WWOX: variants seen among roughly 807,000 people sequenced by gnomAD.
The protein encoded by WWOX is WW domain containing oxidoreductase.
Under a neutral mutation model 46.2 loss-of-function variants are expected in WWOX, and 69 were observed. The ratio of observed to expected loss-of-function variants is 1.49; its 90% CI spans 1.23 to 1.82. WWOX has a LOEUF of 1.82. Among genes scored for constraint, WWOX ranks in the 40% most tolerant of loss-of-function variants. The pLI, the probability that WWOX is intolerant of heterozygous loss-of-function variation, is 0.00. For missense variants in WWOX, 919 were observed against 542.6 expected (o/e 1.69, Z -6.89); for synonymous variants, 359 against 202.6 (o/e 1.77, Z -6.56).
intron 8 of WWOX, among the ~76,000 whole-genome samples, chr16:78,640,195 G>A (rs1345472141): frequency 2.1e-5 from 3 of 144,376 alleles, no homozygotes; most frequent in Non-Finnish European, 4.5e-5. Flanking sequence ...GGTCATGGGT[G>A]TGTGTGTGTG....
At chr16:78,380,496 G>T (rs962943200) in intron 5 of WWOX, among the ~76,000 whole-genome samples, 7 of 152,080 alleles carry the variant, frequency 4.6e-5, no homozygotes, top group Non-Finnish European at 5.9e-5. Flanking sequence ...GGCCAGTGAC[G>T]ACCCATTCAG....
Position 79,186,370 on chromosome 16 carries a change from G to A in WWOX, c.1057-25238G>A, listed in dbSNP as rs372839322. 5.5e-4 allele frequency among the ~76,000 whole-genome samples: 84 copies of A among 152,242 alleles called. 1 individual carries two copies. In the South Asian group the frequency reaches 0.015, roughly 28 times the overall value. Reference sequence around the variant, plus strand: ...CTAGAGAACTCTCCTTGCTCCTCTCGCTTCCGGTGGTTCAGTGGCAACGCT... The same window carrying A: ...CTAGAGAACTCTCCTTGCTCCTCTCACTTCCGGTGGTTCAGTGGCAACGCT... On this transcript the variant is annotated intron_variant, in intron 8 of 8. Transcript: ENST00000566780.
intron 8 of WWOX, among the ~76,000 whole-genome samples, chr16:78,864,751 C>G (rs1412231459): frequency 1.6e-5 from 2 of 126,498 alleles, no homozygotes; most frequent in Non-Finnish European, 3.2e-5. Flanking sequence ...TTTTCTCCAA[C>G]TCCTTTTTTT....
rs185645180 is a variant in WWOX, at chr16:78,166,197, G to T, written c.516+1908G>T. ...TTTTTTTAAACTTAGTACTGCAGGA[G>T]ATCTCTTATTAGTGCATATAGATCT... On this transcript the variant is annotated intron_variant, in intron 5 of 8. Coordinates refer to ENST00000566780, the MANE Select transcript of WWOX (RefSeq NM_016373.4). Among the ~76,000 whole-genome samples the T allele has an allele frequency of 2.1e-4, 32 of 151,800 alleles. No homozygotes were observed. In the East Asian group the frequency reaches 6.0e-3, roughly 28 times the overall value.
At chr16:78,177,426 C>A (rs1422080920) in intron 5 of WWOX, among the ~76,000 whole-genome samples, 1 of 152,122 alleles carries the variant, frequency 6.6e-6, no homozygotes, top group East Asian at 1.9e-4. Context: ...GAGTGATACT[C>A]CCATGACTCA....
intron 8 of WWOX, among the ~76,000 whole-genome samples, chr16:78,835,128 G>A (rs1164687143): frequency 1.3e-5 from 2 of 152,092 alleles, no homozygotes; most frequent in African/African-American, 4.8e-5. Flanking sequence ...TAATATATGG[G>A]CTTGAATCCA....
chr16:78,979,866 C>T (rs966571163), intron 8 of WWOX, among the ~76,000 whole-genome samples: 2 of 152,134 alleles, frequency 1.3e-5, no homozygotes, highest in African/African-American at 4.8e-5. Flanking sequence ...CAGTGGCTCA[C>T]GTCTATAATC....
intron 8 of WWOX, chr16:78,890,793 G>A (rs533007429): frequency 1.3e-5 from 2 of 152,314 alleles, no homozygotes; most frequent in South Asian, 2.1e-4. Flanking sequence ...CAAGGTAACA[G>A]TATACAGGAA....
intron 8 of WWOX, among the ~76,000 whole-genome samples, chr16:79,036,795 C>G (rs139723454): frequency 0.013 from 2,052 of 152,256 alleles, 21 homozygotes; most frequent in South Asian, 0.03. Context: ...TGAGTGTATC[C>G]TGTTTCAGAA....
chr16:78,996,376 A>ACACCC, intron 8 of WWOX: 1 of 438,842 alleles, frequency 2.3e-6, no homozygotes, highest in Non-Finnish European at 2.6e-6. Flanking sequence ...TTCTGCACCC[A>ACACCC]CCCCCGCCCC....
At chr16:78,465,656 T>C (rs76710345) in intron 8 of WWOX, among the ~76,000 whole-genome samples, 113 of 152,394 alleles carry the variant, frequency 7.4e-4, no homozygotes, top group African/African-American at 2.6e-3. Context: ...CCTGTTTTAG[T>C]AATTTACTCC....
intron 8 of WWOX, among the ~76,000 whole-genome samples, chr16:78,641,369 T>G (rs930577862): frequency 5.3e-5 from 8 of 152,032 alleles, no homozygotes; most frequent in Non-Finnish European, 8.8e-5. Flanking sequence ...GACATACCCT[T>G]TAATTGCTGC....
intron 8 of WWOX, among the ~76,000 whole-genome samples, chr16:78,776,640 A>G (rs2050196605): frequency 6.6e-6 from 1 of 152,118 alleles, no homozygotes; most frequent in Non-Finnish European, 1.5e-5. Context: ...CTGCTATAAA[A>G]AACTGCCCGA....
intron 6 of WWOX, among the ~76,000 whole-genome samples, chr16:78,404,806 A>C (rs977457983): frequency 6.6e-6 from 1 of 152,154 alleles, no homozygotes; most frequent in Non-Finnish European, 1.5e-5. Context: ...TGTCCATTTT[A>C]TTAAATGTCC....
At chr16:79,140,354 T>C (rs1195100980) in intron 8 of WWOX, among the ~76,000 whole-genome samples, 2 of 152,188 alleles carry the variant, frequency 1.3e-5, no homozygotes, top group African/African-American at 2.4e-5. Flanking sequence ...CAGAGGGAGT[T>C]AGAATTGAAT....
At chr16:79,105,054 G>A (rs2049280408) in intron 8 of WWOX, among the ~76,000 whole-genome samples, 1 of 152,134 alleles carries the variant, frequency 6.6e-6, no homozygotes, top group African/African-American at 2.4e-5. Context: ...GTTTACAAAA[G>A]TGGAAAATGT....
chr16:78,951,637 T>C (rs1478636720), intron 8 of WWOX, among the ~76,000 whole-genome samples: 1 of 152,216 alleles, frequency 6.6e-6, no homozygotes, highest in Admixed American at 6.5e-5. Flanking sequence ...AGTGGCAGTC[T>C]TGATGTCAAT....
rs141112040 is a variant in WWOX at position 78,908,372 on chromosome 16, C to T, written c.1057-303236C>T. Among the ~76,000 whole-genome samples the T allele has an allele frequency of 2.6e-3, 400 of 152,008 alleles. 2 individuals are homozygous for T. Among genetic ancestry groups the T allele is most frequent in the African/African-American group, 9.3e-3 (387 of 41,480 alleles). ...CTGGCCAAGGTGGTGAAACCCCATC[C>T]CTACTAAAGATACTAATATTAGCCA... On this transcript the variant is annotated intron_variant, in intron 8 of 8. Transcript: ENST00000566780.
chr16:78,309,324 C>T (rs908400504), intron 5 of WWOX, among the ~76,000 whole-genome samples: 1 of 152,330 alleles, frequency 6.6e-6, no homozygotes, highest in East Asian at 1.9e-4. Flanking sequence ...TGCTTCCACT[C>T]TGCCCTGATT....
Sources: allele counts gnomAD v4.1 joint callset (sites outside exome capture counted in the v4.1 genomes callset), GRCh38; gene constraint gnomAD v4.1.1; transcripts MANE v1.5; gene names NCBI Gene and HGNC (gene_info 2026-07-23, HGNC 2026-07-21).